BPIFA1: variants seen among roughly 807,000 people sequenced by gnomAD.
BPIFA1 encodes BPI fold-containing family A member 1.
A neutral mutation model predicts 25.1 loss-of-function variants in BPIFA1; 24 were observed. The observed-to-expected ratio is 0.96, with a 90% CI of 0.69 to 1.35. The LOEUF (loss-of-function observed/expected upper bound fraction) is 1.35, where lower values mean the gene tolerates loss of function less well. BPIFA1 is among the 40% of genes most tolerant of loss of function. The pLI, the probability that BPIFA1 is intolerant of heterozygous loss-of-function variation, is 0.00. For synonymous variants in BPIFA1, 139 were observed against 131.8 expected (o/e 1.05, Z -0.37); for missense variants, 344 against 303.7 (o/e 1.13, Z -0.99).
At chr20:33,242,390 C>A (rs918220166) in intron 7 of BPIFA1, 97 bp from the exon 8 acceptor site, 1 of 1,414,472 alleles carries the variant, frequency 7.1e-7, no homozygotes, top group African/African-American at 1.4e-5. Context: ...TCTCCAGAGG[C>A]CTCCATTCCC....
At chr20:33,236,406 G>A (rs1292074307) in intron 1 of BPIFA1, among the ~76,000 whole-genome samples, 3 of 152,118 alleles carry the variant, frequency 2.0e-5, no homozygotes, top group Admixed American at 1.3e-4. Context: ...AGCTTCCATT[G>A]GATTCATAAA....
rs1226558206 is a variant in BPIFA1, at chr20:33,240,683, ATAGATAAAG to A, written c.581+302_581+310del. On this transcript the variant is annotated intron_variant, in intron 5 of 8. Coordinates refer to ENST00000354297, the MANE Select transcript of BPIFA1 (RefSeq NM_130852.3). The stretch of plus-strand genomic sequence containing the variant: ...GATAGATAGATAGATAGATAGATAG[ATAGATAAAG>A]TAGTACTTATTCCTTCTTAGACCAA... Among the ~76,000 whole-genome samples, 472 of 146,672 alleles carry A rather than the reference ATAGATAAAG, an allele frequency of 3.2e-3. 3 individuals carry two copies. The highest frequency in any genetic ancestry group is 0.012 in the African/African-American group (437 of 36,350).
In BPIFA1 at chr20:33,238,203, C is replaced by G. The variant is rs141888881; in HGVS notation, c.309C>G (p.Asn103Lys). Reference sequence around the variant, plus strand: ...TGACGTCAGTGATTCCTGGCCTGAACAACATCATTGAGTGAGTTGTCCTAA... The same window carrying G: ...TGACGTCAGTGATTCCTGGCCTGAAGAACATCATTGAGTGAGTTGTCCTAA... ...GKVTSVIPGL[N>K]NIIDIKVTDP... is the part of the protein sequence containing the mutation. The change falls in exon 3 of 9, where the codon AAC becomes AAG. Residue 103 changes from asparagine to lysine, a missense_variant. Coordinates refer to ENST00000354297, the MANE Select transcript of BPIFA1 (RefSeq NM_130852.3). The G allele has an allele frequency of 2.3e-4, 369 of 1,612,856 alleles. 5 individuals carry two copies. The East Asian group carries it at 3.2e-3, about 14-fold the overall frequency.
At position 33,239,883 on chromosome 20, in the gene BPIFA1, C is replaced by G. The variant is rs1473376296; in HGVS notation, c.401C>G (p.Pro134Arg). The change falls in exon 4 of 9, where the codon CCT becomes CGT. Residue 134 changes from proline (P) to arginine (R), a missense_variant. Transcript: ENST00000354297. ...GGCCACCGTCTCTATGTCACCATCC[C>G]TCTCGGCATAAAGCTCCAAGTGAAT... Reference protein sequence around the residue: ...PDGHRLYVTIPLGIKLQVNTP... With the variant: ...PDGHRLYVTIRLGIKLQVNTP... 1.9e-6 allele frequency: 3 copies of G among 1,614,050 alleles called. No homozygotes were observed. The highest frequency in any genetic ancestry group is 2.5e-6 in the Non-Finnish European group (3 of 1,180,010).
chr20:33,239,828 C>T lies in BPIFA1; in HGVS notation c.346C>T (p.Leu116=). 1 of 1,614,210 alleles carries T rather than the reference C, an allele frequency of 6.2e-7. No individual in the cohort carries two copies. The highest frequency in any genetic ancestry group is 8.5e-7 in the Non-Finnish European group (1 of 1,180,010). Residue 116 remains leucine (L), a synonymous_variant, in exon 4 of 9, where the codon CTG becomes TTG. Coordinates refer to ENST00000354297, the MANE Select transcript of BPIFA1 (RefSeq NM_130852.3). ...IDIKVTDPQL[L]ELGLVQSPDG... ...CATAAAGGTCACTGACCCCCAGCTG[C>T]TGGAACTTGGCCTTGTGCAGAGCCC...
intron 1 of BPIFA1, among the ~76,000 whole-genome samples, chr20:33,236,575 G>C (rs1978688628): frequency 6.6e-6 from 1 of 152,170 alleles, no homozygotes; most frequent in Non-Finnish European, 1.5e-5. Flanking sequence ...TTTGCACAAA[G>C]TCACCAGTTG....
At chr20:33,237,335 G>A (rs1297841041) in intron 1 of BPIFA1, among the ~76,000 whole-genome samples, 1 of 152,208 alleles carries the variant, frequency 6.6e-6, no homozygotes, top group Non-Finnish European at 1.5e-5. Flanking sequence ...AATCAGACAA[G>A]TGAACTGTGG....
chr20:33,238,384 C>A (rs1349634812), intron 3 of BPIFA1, among the ~76,000 whole-genome samples, 170 bp downstream of exon 3: 1 of 152,194 alleles, frequency 6.6e-6, no homozygotes, highest in Admixed American at 6.5e-5. Context: ...CAGGGACACC[C>A]GTCCTCCCCA....
rs534358415 is a variant in BPIFA1, at chr20:33,237,587, C to T, written c.-15-110C>T. ...GCAGTATTAGCTATTACTAGTGACC[C>T]CCTGGTGTTCTGGGGAGCAAACAAC... On this transcript the variant is annotated intron_variant, in intron 1 of 8. Coordinates refer to ENST00000354297, the MANE Select transcript of BPIFA1 (RefSeq NM_130852.3). The T allele has an allele frequency of 1.3e-4, 106 of 838,088 alleles. No homozygotes were observed. The African/African-American group carries it at 1.7e-3, about 14-fold the overall frequency. 51.9% of individuals were successfully genotyped at this position (838,088 alleles called of 1,614,324 possible).
chr20:33,241,969 C>A, intron 6 of BPIFA1, 87 bp from the exon 7 acceptor site: 2 of 1,215,344 alleles, frequency 1.6e-6, no homozygotes, highest in Non-Finnish European at 2.4e-6. Flanking sequence ...AGAAAAATGA[C>A]AGGAAATTTC....
intron 4 of BPIFA1, 105 bp downstream of exon 4, chr20:33,240,015 C>G: frequency 7.3e-7 from 1 of 1,369,336 alleles, no homozygotes; most frequent in Middle Eastern, 2.1e-4. Flanking sequence ...ACCTGAGCCT[C>G]CAACTTCAGC....
chr20:33,239,913 G>A lies in BPIFA1; in HGVS notation c.428+3G>A, dbSNP rs375024916. On this transcript the variant is annotated splice_donor_region_variant and intron_variant, in intron 4 of 8. Coordinates refer to ENST00000354297, the MANE Select transcript of BPIFA1 (RefSeq NM_130852.3). ...GGCATAAAGCTCCAAGTGAATACGT[G>A]AGTGGGTCCCAAGAGGGGGTGAGAG... The A allele has an allele frequency of 8.1e-6, 13 of 1,612,090 alleles. No homozygotes were observed. In the African/African-American group the frequency reaches 1.6e-4, roughly 20 times the overall value.
rs1237287080 is a variant in BPIFA1, at chr20:33,239,827, G to A, written c.345G>A (p.Leu115=). Residue 115 remains leucine, a synonymous_variant, in exon 4 of 9, where the codon CTG becomes CTA. Coordinates refer to ENST00000354297, the MANE Select transcript of BPIFA1 (RefSeq NM_130852.3). ...IIDIKVTDPQ[L]LELGLVQSPD... ...GCATAAAGGTCACTGACCCCCAGCT[G>A]CTGGAACTTGGCCTTGTGCAGAGCC... is the stretch of plus-strand genomic sequence containing the variant. 2.5e-6 allele frequency: 4 copies of A among 1,614,184 alleles called. No homozygotes were observed. The South Asian group carries it at 4.4e-5, about 18-fold the overall frequency.
intron 7 of BPIFA1, 67 bp from the exon 8 acceptor site, chr20:33,242,420 A>C: frequency 6.4e-7 from 1 of 1,571,286 alleles, no homozygotes. Flanking sequence ...ACCTTGAGGA[A>C]TATGGACTCC....
chr20:33,239,677 C>T, intron 3 of BPIFA1, 126 bp from the exon 4 acceptor site: 1 of 911,494 alleles, frequency 1.1e-6, no homozygotes, highest in Non-Finnish European at 1.8e-6. Flanking sequence ...CAAGACTCCC[C>T]TCCCATCTCC....
At chr20:33,240,144 G>A (rs1978888983) in intron 4 of BPIFA1, 89 bp from the exon 5 acceptor site, 6 of 1,550,242 alleles carry the variant, frequency 3.9e-6, no homozygotes, top group Non-Finnish European at 3.5e-6. Context: ...ATGGAGTGAG[G>A]TGAGGCTAGC....
intron 5 of BPIFA1, among the ~76,000 whole-genome samples, chr20:33,240,926 G>T (rs990668346): frequency 6.6e-6 from 1 of 152,194 alleles, no homozygotes; most frequent in Non-Finnish European, 1.5e-5. Flanking sequence ...CTTTGTCCCA[G>T]TAAGGGGTAA....
chr20:33,238,383 C>T (rs1734337152), intron 3 of BPIFA1, among the ~76,000 whole-genome samples, 169 bp downstream of exon 3: 1 of 152,144 alleles, frequency 6.6e-6, no homozygotes, highest in African/African-American at 2.4e-5. Context: ...GCAGGGACAC[C>T]CGTCCTCCCC....
intron 4 of BPIFA1, 75 bp from the exon 5 acceptor site, chr20:33,240,158 C>A: frequency 6.4e-7 from 1 of 1,573,736 alleles, no homozygotes; most frequent in South Asian, 1.2e-5. Flanking sequence ...GGCTAGCATT[C>A]TTGGCAAGGA....
Sources: gnomAD v4.1 joint callset for allele counts (sites outside exome capture counted in the v4.1 genomes callset) on GRCh38, gnomAD v4.1.1 for gene constraint, MANE v1.5 for transcripts, NCBI Gene and HGNC (gene_info 2026-07-23, HGNC 2026-07-21) for gene names.